Variants in HPSE2 observed in about 807,000 individuals in gnomAD.
HPSE2 encodes inactive heparanase-2.
HPSE2 carries 38 observed loss-of-function variants against 60.5 expected under a neutral mutation model. That is an observed-to-expected ratio of 0.63 (90% confidence interval 0.48 to 0.82). HPSE2 has a LOEUF of 0.82. HPSE2 is among the 40% of genes least tolerant of loss of function. The pLI is 0.00. For missense variants in HPSE2, 713 were observed against 740.4 expected (o/e 0.96, Z 0.43); for synonymous variants, 295 against 293.2 (o/e 1.01, Z -0.06).
chr10:98,666,213 A>G (rs975616405), intron 6 of HPSE2, among the ~76,000 whole-genome samples: 5 of 152,236 alleles, frequency 3.3e-5, no homozygotes, highest in African/African-American at 1.2e-4. Context: ...AAAGGATTCA[A>G]TTCAACAAGA....
intron 4 of HPSE2, among the ~76,000 whole-genome samples, chr10:98,728,622 C>CA (rs1390894190): frequency 6.6e-6 from 1 of 152,022 alleles, no homozygotes; most frequent in Non-Finnish European, 1.5e-5. Flanking sequence ...TGTCTCAAAA[C>CA]AAACAAACGA....
intron 2 of HPSE2, among the ~76,000 whole-genome samples, chr10:99,144,796 C>T (rs1039727638): frequency 6.6e-6 from 1 of 152,134 alleles, no homozygotes; most frequent in African/African-American, 2.4e-5. Context: ...CTCTCTACCT[C>T]GTGCTACAGG....
At position 98,696,763 on chromosome 10, in the gene HPSE2, T is replaced by C. The variant is rs551241762; in HGVS notation, c.957-2816A>G. On this transcript the variant is annotated intron_variant, in intron 5 of 11. Transcript: ENST00000370552. ...GGGCGACAGCCAACTCTGGGACCCA[T>C]AGCTGCCTAACACACTAAGCTCCCA... Among the ~76,000 whole-genome samples, 28 of 152,254 alleles carry C rather than the reference T, an allele frequency of 1.8e-4. No individual in the cohort carries two copies. In the South Asian group the frequency reaches 2.9e-3, roughly 16 times the overall value.
chr10:99,083,310 T>C (rs1405367808), intron 3 of HPSE2, among the ~76,000 whole-genome samples: 1 of 152,222 alleles, frequency 6.6e-6, no homozygotes, highest in Admixed American at 6.5e-5. Flanking sequence ...ATTCTCCTAC[T>C]CTATAGACTT....
At chr10:98,520,809 A>G (rs1404761469) in intron 9 of HPSE2, among the ~76,000 whole-genome samples, 1 of 152,256 alleles carries the variant, frequency 6.6e-6, no homozygotes, top group Non-Finnish European at 1.5e-5. Flanking sequence ...CAAATGGAAC[A>G]GAACAGAGCC....
intron 4 of HPSE2, among the ~76,000 whole-genome samples, chr10:98,742,888 C>T (rs896434697): frequency 3.3e-5 from 5 of 151,546 alleles, no homozygotes; most frequent in East Asian, 1.9e-4. Context: ...TGAGTCCCCT[C>T]GTTAAAACAT....
chr10:98,934,111 G>C (rs1237934137), intron 3 of HPSE2, among the ~76,000 whole-genome samples: 1 of 143,392 alleles, frequency 7.0e-6, no homozygotes, highest in Non-Finnish European at 1.5e-5. Context: ...GCTTTTTTCT[G>C]CTTTCCATAT....
chr10:98,746,571 T>C lies in HPSE2; in HGVS notation c.611-2515A>G, dbSNP rs1245529795. Among the ~76,000 whole-genome samples, 6 of 152,184 alleles carry C rather than the reference T, an allele frequency of 3.9e-5. No homozygotes were observed. The East Asian group carries it at 1.2e-3, about 29-fold the overall frequency. On this transcript the variant is annotated intron_variant, in intron 3 of 11. Coordinates refer to ENST00000370552, the MANE Select transcript of HPSE2 (RefSeq NM_021828.5). ...TAACAAAAACAAATTATGTTTGCCT[T>C]ATAAGATTTTCAAATTTATGAAAAG... is the stretch of plus-strand genomic sequence containing the variant.
intron 3 of HPSE2, among the ~76,000 whole-genome samples, chr10:98,835,808 T>G (rs1951777757): frequency 1.3e-5 from 2 of 152,204 alleles, no homozygotes; most frequent in African/African-American, 2.4e-5. Context: ...ACTCTCTAAT[T>G]GTGGGTCATG....
At chr10:99,035,570 TATTATC>T (rs1014846408) in intron 3 of HPSE2, among the ~76,000 whole-genome samples, 11 of 152,362 alleles carry the variant, frequency 7.2e-5, no homozygotes, top group African/African-American at 2.2e-4. Context: ...CATAATCATT[TATTATC>T]ATTATCAAGT....
chr10:98,497,776 G>C (rs949592049), intron 9 of HPSE2, among the ~76,000 whole-genome samples: 3 of 151,754 alleles, frequency 2.0e-5, no homozygotes, highest in Non-Finnish European at 4.4e-5. Flanking sequence ...TTTTAAAAAT[G>C]TCAATATTGA....
chr10:98,605,024 A>G (rs966771097), intron 9 of HPSE2, among the ~76,000 whole-genome samples: 1 of 152,186 alleles, frequency 6.6e-6, no homozygotes, highest in Non-Finnish European at 1.5e-5. Context: ...CTTCTCAGGA[A>G]CATGTATTAT....
chr10:99,130,666 GAAGTA>G (rs1170704845), intron 3 of HPSE2, among the ~76,000 whole-genome samples: 3 of 152,162 alleles, frequency 2.0e-5, no homozygotes, highest in South Asian at 2.1e-4. Flanking sequence ...CAATTTTACA[GAAGTA>G]AAGTAGTCAA....
chr10:98,886,067 T>A (rs573470220), intron 3 of HPSE2, among the ~76,000 whole-genome samples: 1 of 152,220 alleles, frequency 6.6e-6, no homozygotes, highest in East Asian at 1.9e-4. Context: ...GAAACAAAAC[T>A]AAAAATTTCT....
At chr10:98,850,036 G>A (rs868620922) in intron 3 of HPSE2, among the ~76,000 whole-genome samples, 1 of 152,130 alleles carries the variant, frequency 6.6e-6, no homozygotes, top group African/African-American at 2.4e-5. Context: ...GAGGCACCAC[G>A]CCCAGCCAAT....
intron 3 of HPSE2, among the ~76,000 whole-genome samples, chr10:98,987,037 G>C (rs1287885169): frequency 1.3e-5 from 2 of 152,022 alleles, no homozygotes; most frequent in East Asian, 1.9e-4. Context: ...GGACCAGATG[G>C]ATTCACAGCC....
chr10:99,294,438 CATATA>C, the HPSE2 span, among the ~76,000 whole-genome samples: 23 of 143,656 alleles, frequency 1.6e-4, 1 homozygote, highest in South Asian at 6.4e-4. Context: ...ATAATATATA[CATATA>C]ATATATTAAC....
At chr10:98,914,900 A>G (rs1954075372) in intron 3 of HPSE2, among the ~76,000 whole-genome samples, 1 of 151,786 alleles carries the variant, frequency 6.6e-6, no homozygotes, top group Non-Finnish European at 1.5e-5. Context: ...CTCCTATGAC[A>G]AAGATCAATT....
chr10:98,706,024 T>A (rs1333330732), intron 5 of HPSE2, among the ~76,000 whole-genome samples: 1 of 152,190 alleles, frequency 6.6e-6, no homozygotes. Flanking sequence ...TGTCATAAAA[T>A]GCTTTTCAGT....
Sources: gnomAD v4.1 joint callset for allele counts (sites outside exome capture counted in the v4.1 genomes callset) on GRCh38, gnomAD v4.1.1 for gene constraint, MANE v1.5 for transcripts, NCBI Gene and HGNC (gene_info 2026-07-23, HGNC 2026-07-21) for gene names.